Variants in ESM1 observed in about 807,000 individuals in gnomAD.
ESM1 encodes endothelial cell-specific molecule 1.
In ESM1, 7 loss-of-function variants were observed where a neutral mutation model predicts 14.9. The ratio of observed to expected loss-of-function variants is 0.47; its 90% confidence interval spans 0.27 to 0.88. The LOEUF is 0.88. Among genes scored for constraint, ESM1 ranks in the 40% least tolerant of loss-of-function variants. The probability of loss-of-function intolerance (pLI) is 0.14; values close to 1 mark genes in which losing one functional copy is unlikely to be tolerated. For synonymous variants in ESM1, 89 were observed against 89.4 expected, an observed-to-expected ratio of 1.00 and a Z score of 0.02; for missense variants, 192 against 237.9, an observed-to-expected ratio of 0.81 and a Z score of 1.27.
At chr5:54,984,983 A>G (rs1740505433) in intron 1 of ESM1, among the ~76,000 whole-genome samples, 1 of 152,174 alleles carries the variant, frequency 6.6e-6, no homozygotes, top group African/African-American at 2.4e-5. Context: ...GCGATCTCCT[A>G]AGGCAACGAG....
Position 54,979,241 on chromosome 5 carries a change from C to T in ESM1, c.*91G>A, listed in dbSNP as rs2112245788. 1 of 929,820 alleles carries T rather than the reference C, an allele frequency of 1.1e-6. No individual in the cohort carries two copies. The highest frequency in any genetic ancestry group is 1.6e-5 in the African/African-American group (1 of 61,230). The allele number at this position is 929,820 out of a possible 1,614,324, so 57.6% of individuals were successfully genotyped here. Reference sequence around the variant, plus strand: ...ATTTGGTCTTCAAAAATTACATGTCCTTATGCTATAATCTAGAAAGTTCCT... The same window carrying T: ...ATTTGGTCTTCAAAAATTACATGTCTTTATGCTATAATCTAGAAAGTTCCT... On this transcript the variant is annotated 3_prime_UTR_variant, in exon 3 of 3. Transcript: ENST00000381405.
intron 1 of ESM1, among the ~76,000 whole-genome samples, chr5:54,984,679 G>A (rs918293523): frequency 6.6e-6 from 1 of 152,180 alleles, no homozygotes; most frequent in Non-Finnish European, 1.5e-5. Context: ...TCTTTGAAGA[G>A]TGAGTTATTT....
Position 54,977,887 on chromosome 5 carries a change from TG to T in ESM1, c.*1444del, listed in dbSNP as rs1348095287. On this transcript the variant is annotated 3_prime_UTR_variant, in exon 3 of 3. Coordinates refer to ENST00000381405, the MANE Select transcript of ESM1 (RefSeq NM_007036.5). The stretch of plus-strand genomic sequence containing the variant: ...GAAGCTGTATCTTGTTCTTTTTTAT[TG>T]AACAATAATAAACATGTCCTTTTAA... 6.6e-6 allele frequency: 1 copy of T among 152,216 alleles called. No homozygotes were observed. The highest frequency in any genetic ancestry group is 2.4e-5 in the African/African-American group (1 of 41,468). 9.4% of individuals were successfully genotyped at this position (152,216 alleles called of 1,614,324 possible).
intron 1 of ESM1, among the ~76,000 whole-genome samples, chr5:54,983,983 T>C (rs1203194249): frequency 1.3e-5 from 2 of 152,220 alleles, no homozygotes; most frequent in Non-Finnish European, 2.9e-5. Flanking sequence ...GAAACATGCA[T>C]ATGTGTTCAC....
chr5:54,981,734 A>G (rs1210152273), intron 2 of ESM1, among the ~76,000 whole-genome samples: 2 of 152,226 alleles, frequency 1.3e-5, no homozygotes, highest in Admixed American at 6.5e-5. Flanking sequence ...TTGGTAATCA[A>G]TCATATTTAT....
Position 54,978,481 on chromosome 5 carries a change from T to A in ESM1, c.*851A>T, listed in dbSNP as rs1743980329. ...TTTCAACAAATAATACTAGATTTCT[T>A]TCCTCAAGAGGATGATAAATATGGG... On this transcript the variant is annotated 3_prime_UTR_variant, in exon 3 of 3. Coordinates refer to ENST00000381405, the MANE Select transcript of ESM1 (RefSeq NM_007036.5). 1 of 152,164 alleles carries A rather than the reference T, an allele frequency of 6.6e-6. No homozygotes were observed. The highest frequency in any genetic ancestry group is 1.5e-5 in the Non-Finnish European group (1 of 68,024). 9.4% of individuals were successfully genotyped at this position (152,164 alleles called of 1,614,324 possible).
rs1744066305 is a variant in ESM1 at position 54,982,164 on chromosome 5, G to A, written c.302-18C>T. 6.2e-7 allele frequency: 1 copy of A among 1,612,680 alleles called. No homozygotes were observed. The highest frequency in any genetic ancestry group is 2.2e-5 in the East Asian group (1 of 44,822). ...GGGACAGTCTGGGGACAAAGGAAAGGTTGGAGAGGACGCTGCTTGTTGTAA... is the reference window on the plus strand; with the variant it reads ...GGGACAGTCTGGGGACAAAGGAAAGATTGGAGAGGACGCTGCTTGTTGTAA... On this transcript the variant is annotated intron_variant, in intron 1 of 2. Coordinates refer to ENST00000381405, the MANE Select transcript of ESM1 (RefSeq NM_007036.5).
At chr5:54,979,877 A>C (rs910909072) in intron 2 of ESM1, among the ~76,000 whole-genome samples, 1 of 152,240 alleles carries the variant, frequency 6.6e-6, no homozygotes, top group African/African-American at 2.4e-5. Flanking sequence ...TATGAAAGAC[A>C]GATTAACTTT....
intron 2 of ESM1, 69 bp from the exon 3 acceptor site, chr5:54,979,504 T>C: frequency 9.1e-7 from 1 of 1,099,682 alleles, no homozygotes; most frequent in Non-Finnish European, 1.4e-6. Context: ...TTTTGCTTTA[T>C]TTTTGTTTTA....
chr5:54,981,045 A>G, intron 2 of ESM1, among the ~76,000 whole-genome samples: 1 of 152,292 alleles, frequency 6.6e-6, no homozygotes, highest in East Asian at 1.9e-4. Flanking sequence ...TTGACAAATA[A>G]TAATTGTATA....
At position 54,982,135 on chromosome 5, in the gene ESM1, C is replaced by T. The variant is rs766694131; in HGVS notation, c.313G>A (p.Gly105Ser). ...TCTCTGCAATCCATCCCGAAGGTGC[C>T]GTAGGGACAGTCTGGGGACAAAGGA... ...EFGICKDCPY[G>S]TFGMDCRETC... is the part of the protein sequence containing the mutation. The change falls in exon 2 of 3, where the codon GGC becomes AGC. Residue 105 changes from glycine (G) to serine (S), a missense_variant. Gly to Ser is a moderately conservative substitution (Grantham distance 56). Coordinates refer to ENST00000381405, the MANE Select transcript of ESM1 (RefSeq NM_007036.5). 4 of 1,614,032 alleles carry T rather than the reference C, an allele frequency of 2.5e-6. No homozygotes were observed. Among genetic ancestry groups the T allele is most frequent in the South Asian group, 2.2e-5 (2 of 91,034 alleles).
rs1016300454 is a variant in ESM1 at position 54,985,508 on chromosome 5, C to T, written c.10G>A (p.Val4Ile). Residue 4 changes from valine (V) to isoleucine (I), a missense_variant, in exon 1 of 3, where the codon GTC (valine) becomes ATC (isoleucine). Coordinates refer to ENST00000381405, the MANE Select transcript of ESM1 (RefSeq NM_007036.5). MKS[V>I]LLLTTLLVPA... is the part of the protein sequence containing the mutation. The stretch of plus-strand genomic sequence containing the variant: ...ACGAGGAGCGTGGTCAGCAGCAAGA[C>T]GCTCTTCATGTTTCCCAGCTGCCTC... 1.3e-6 allele frequency: 2 copies of T among 1,593,974 alleles called. No homozygotes were observed. The highest frequency in any genetic ancestry group is 1.7e-6 in the Non-Finnish European group (2 of 1,165,134).
Position 54,985,214 on chromosome 5 carries a change from T to C in ESM1, c.301+3A>G. The C allele has an allele frequency of 6.2e-7, 1 of 1,604,718 alleles. No individual in the cohort carries two copies. Among genetic ancestry groups the C allele is most frequent in the Non-Finnish European group, 8.5e-7 (1 of 1,173,758 alleles). On this transcript the variant is annotated splice_donor_region_variant and intron_variant, in intron 1 of 2. Coordinates refer to ENST00000381405, the MANE Select transcript of ESM1 (RefSeq NM_007036.5). Reference sequence around the variant, plus strand: ...AGGGGAGAGGTAAGGGGTCACTCTTTACCTTTGCAGATACCAAACTCTTCA... The same window carrying C: ...AGGGGAGAGGTAAGGGGTCACTCTTCACCTTTGCAGATACCAAACTCTTCA...
At chr5:54,982,498 G>A (rs1228804473) in intron 1 of ESM1, among the ~76,000 whole-genome samples, 1 of 152,104 alleles carries the variant, frequency 6.6e-6, no homozygotes, top group Non-Finnish European at 1.5e-5. Flanking sequence ...CAGCAAAGGT[G>A]GGAAATTGAA....
intron 2 of ESM1, among the ~76,000 whole-genome samples, chr5:54,980,298 C>A (rs1480840289): frequency 1.3e-5 from 2 of 152,142 alleles, no homozygotes; most frequent in African/African-American, 4.8e-5. Context: ...CTCTGGGGGT[C>A]CTAGTGCTGG....
At position 54,979,128 on chromosome 5, in the gene ESM1, T is replaced by C. The variant is rs539248127; in HGVS notation, c.*204A>G. The C allele has an allele frequency of 1.3e-4, 70 of 524,396 alleles. 1 individual carries two copies. Among genetic ancestry groups the C allele is most frequent in the African/African-American group, 1.3e-3 (66 of 51,820 alleles). 32.5% of individuals were successfully genotyped at this position (524,396 alleles called of 1,614,324 possible). ...AACAAATCTACATGCATTCGAATAT[T>C]TAACAAACACATACAAGTGTTCAGT... On this transcript the variant is annotated 3_prime_UTR_variant, in exon 3 of 3. Coordinates refer to ENST00000381405, the MANE Select transcript of ESM1 (RefSeq NM_007036.5).
chr5:54,981,261 T>G (rs1398433932), intron 2 of ESM1, among the ~76,000 whole-genome samples: 1 of 152,216 alleles, frequency 6.6e-6, no homozygotes, highest in Non-Finnish European at 1.5e-5. Context: ...TAGTGATGTA[T>G]GTTGCTTTAA....
Position 54,985,508 on chromosome 5 carries a change from C to G in ESM1, c.10G>C (p.Val4Leu). The change falls in exon 1 of 3, where the codon GTC becomes CTC. Residue 4 changes from valine (V) to leucine (L), a missense_variant. Transcript: ENST00000381405. MKSVLLLTTLLVPA... is the reference protein window; with the variant it reads MKSLLLLTTLLVPA... ...ACGAGGAGCGTGGTCAGCAGCAAGACGCTCTTCATGTTTCCCAGCTGCCTC... is the reference window on the plus strand; with the variant it reads ...ACGAGGAGCGTGGTCAGCAGCAAGAGGCTCTTCATGTTTCCCAGCTGCCTC... 6.3e-7 allele frequency: 1 copy of G among 1,593,974 alleles called. No homozygotes were observed. The highest frequency in any genetic ancestry group is 1.1e-5 in the South Asian group (1 of 89,882).
chr5:54,982,188 A>C, intron 1 of ESM1, 42 bp from the exon 2 acceptor site: 2 of 1,605,280 alleles, frequency 1.2e-6, no homozygotes, highest in Non-Finnish European at 1.7e-6. Flanking sequence ...TGCTTGTTGT[A>C]AATACGTCTC....
Sources: allele counts gnomAD v4.1 joint callset (sites outside exome capture counted in the v4.1 genomes callset), GRCh38; gene constraint gnomAD v4.1.1; transcripts MANE v1.5; gene names NCBI Gene and HGNC (gene_info 2026-07-23, HGNC 2026-07-21).